The following SLC35F3 variants were observed in gnomAD, a reference collection of about 807,000 sequenced individuals.
SLC35F3 encodes putative thiamine transporter SLC35F3.
Under a neutral mutation model 49.9 loss-of-function variants are expected in SLC35F3, and 25 were observed. That is an observed-to-expected ratio of 0.50 (90% CI 0.37 to 0.70). The LOEUF (loss-of-function observed/expected upper bound fraction) is 0.70, where lower values mean the gene tolerates loss of function less well. Ranked by LOEUF, SLC35F3 falls within the 30% of genes least tolerant of loss-of-function variation. SLC35F3 has a pLI of 0.00. For synonymous variants in SLC35F3, 275 were observed against 265.4 expected, an observed-to-expected ratio of 1.04 and a Z score of -0.35; for missense variants, 525 against 639.8, an observed-to-expected ratio of 0.82 and a Z score of 1.94.
chr1:234,310,212 T>G (rs2102994400), intron 4 of SLC35F3, among the ~76,000 whole-genome samples: 1 of 152,250 alleles, frequency 6.6e-6, no homozygotes, highest in African/African-American at 2.4e-5. Flanking sequence ...CTAGTTCTCC[T>G]GTAGTTAGTG....
intron 3 of SLC35F3, among the ~76,000 whole-genome samples, chr1:234,266,880 T>G (rs906126523): frequency 6.7e-5 from 10 of 148,598 alleles, no homozygotes; most frequent in Admixed American, 1.3e-4. Flanking sequence ...ATGGTTTTTT[T>G]TTTTTTTTTT....
intron 2 of SLC35F3, among the ~76,000 whole-genome samples, chr1:234,023,434 G>C (rs901025719): frequency 3.3e-5 from 5 of 152,164 alleles, no homozygotes; most frequent in Non-Finnish European, 7.3e-5. Flanking sequence ...AATAAAGAGA[G>C]TAGTATTTGA....
chr1:234,225,375 G>C (rs1042743568), intron 2 of SLC35F3, among the ~76,000 whole-genome samples: 3 of 152,184 alleles, frequency 2.0e-5, no homozygotes, highest in Non-Finnish European at 4.4e-5. Context: ...TGTTGGCCAG[G>C]TCCTGGGATG....
At chr1:234,084,867 T>C (rs1169946653) in intron 2 of SLC35F3, among the ~76,000 whole-genome samples, 1 of 152,186 alleles carries the variant, frequency 6.6e-6, no homozygotes, top group African/African-American at 2.4e-5. Flanking sequence ...TTTTTGGGAT[T>C]CTTCACTATT....
At chr1:234,099,572 T>C (rs1665182874) in intron 2 of SLC35F3, among the ~76,000 whole-genome samples, 1 of 138,370 alleles carries the variant, frequency 7.2e-6, no homozygotes, top group Non-Finnish European at 1.5e-5. Flanking sequence ...ATCGCGCCAC[T>C]GCACTCCAGC....
intron 3 of SLC35F3, among the ~76,000 whole-genome samples, chr1:234,270,473 G>A (rs1381960310): frequency 6.6e-6 from 1 of 152,198 alleles, no homozygotes; most frequent in Admixed American, 6.5e-5. Flanking sequence ...GGCATGGCCG[G>A]TGATACAGAT....
chr1:234,265,966 C>T (rs968647960), intron 3 of SLC35F3, among the ~76,000 whole-genome samples: 1 of 152,168 alleles, frequency 6.6e-6, no homozygotes, highest in African/African-American at 2.4e-5. Context: ...TCTGTTCAGG[C>T]CTTTGCTCAA....
intron 2 of SLC35F3, among the ~76,000 whole-genome samples, chr1:234,210,781 T>C (rs1407007709): frequency 2.0e-5 from 3 of 152,164 alleles, no homozygotes; most frequent in Admixed American, 1.3e-4. Flanking sequence ...CTCAATGCAA[T>C]AGAAAGGAAA....
intron 2 of SLC35F3, among the ~76,000 whole-genome samples, chr1:233,923,878 C>T (rs1394951140): frequency 2.6e-5 from 4 of 152,076 alleles, no homozygotes; most frequent in African/African-American, 9.7e-5. Flanking sequence ...TGTTGAAGGC[C>T]TTTTCTGCAT....
chr1:234,091,044 T>C (rs1371070337), intron 2 of SLC35F3, among the ~76,000 whole-genome samples: 1 of 152,234 alleles, frequency 6.6e-6, no homozygotes, highest in Admixed American at 6.5e-5. Flanking sequence ...TTTAGCTTTG[T>C]TTGTTTTGCT....
chr1:234,215,707 C>T (rs576405965), intron 2 of SLC35F3, among the ~76,000 whole-genome samples: 4 of 152,306 alleles, frequency 2.6e-5, no homozygotes, highest in East Asian at 1.9e-4. Flanking sequence ...TCAGAACCAG[C>T]GAGGACAAGA....
chr1:234,239,668 T>C (rs1007639604), intron 3 of SLC35F3, among the ~76,000 whole-genome samples: 2 of 152,216 alleles, frequency 1.3e-5, no homozygotes, highest in Admixed American at 6.5e-5. Context: ...CTATCTGTCC[T>C]TATAGGAAGG....
intron 3 of SLC35F3, among the ~76,000 whole-genome samples, chr1:234,251,161 T>A (rs10752777): frequency 0.1 from 15,420 of 152,080 alleles, 1,856 homozygotes; most frequent in East Asian, 0.67. Context: ...TAGACTTTGG[T>A]CCTCTAATAA....
chr1:234,259,492 A>AG, intron 3 of SLC35F3, among the ~76,000 whole-genome samples: 2 of 152,180 alleles, frequency 1.3e-5, no homozygotes, highest in South Asian at 4.2e-4. Context: ...CCTCTGGGGC[A>AG]GGGTTGCTCA....
chr1:233,944,955 C>G (rs545551396), intron 2 of SLC35F3, among the ~76,000 whole-genome samples: 1 of 152,002 alleles, frequency 6.6e-6, no homozygotes, highest in Non-Finnish European at 1.5e-5. Flanking sequence ...AGAACAATTG[C>G]TATTGGTTGT....
chr1:234,321,461 C>T (rs966882567), intron 7 of SLC35F3, among the ~76,000 whole-genome samples: 3 of 152,200 alleles, frequency 2.0e-5, no homozygotes, highest in Admixed American at 2.0e-4. Context: ...TCCTGGACAG[C>T]TGGTAAAAAA....
chr1:233,905,515 G>T lies in SLC35F3; in HGVS notation c.54-14G>T. On this transcript the variant is annotated splice_polypyrimidine_tract_variant and intron_variant, in intron 1 of 7. Transcript: ENST00000366618. ...CCCTGCCCACCCACCTGCCCGTGGC[G>T]CCTGCGACCGCAGTGGCATGAGGAG... 6.2e-7 allele frequency: 1 copy of T among 1,601,206 alleles called. No individual in the cohort carries two copies.
chr1:234,262,373 T>C (rs1419471611), intron 3 of SLC35F3, among the ~76,000 whole-genome samples: 1 of 152,224 alleles, frequency 6.6e-6, no homozygotes, highest in Non-Finnish European at 1.5e-5. Flanking sequence ...AACAAGCTTG[T>C]TTGATATGAC....
At chr1:234,278,149 C>T (rs376271795) in intron 3 of SLC35F3, among the ~76,000 whole-genome samples, 2 of 151,878 alleles carry the variant, frequency 1.3e-5, no homozygotes, top group East Asian at 1.9e-4. Flanking sequence ...GCCACGATCA[C>T]GCCACTGCAC....
Sources: allele counts gnomAD v4.1 joint callset (sites outside exome capture counted in the v4.1 genomes callset), GRCh38; gene constraint gnomAD v4.1.1; transcripts MANE v1.5; gene names NCBI Gene and HGNC (gene_info 2026-07-23, HGNC 2026-07-21).